CSMD1: variants seen among roughly 807,000 people sequenced by gnomAD.
The protein encoded by CSMD1 is CUB and Sushi multiple domains 1, also known as CUB and sushi domain-containing protein 1.
CSMD1 carries 213 observed loss-of-function variants against 417.5 expected under a neutral mutation model. The ratio of observed to expected loss-of-function variants is 0.51; its 90% CI spans 0.46 to 0.57. The LOEUF (loss-of-function observed/expected upper bound fraction) is 0.57. Among genes scored for constraint, CSMD1 ranks in the 20% least tolerant of loss-of-function variants. CSMD1 has a pLI of 0.00. For missense variants in CSMD1, 6,923 were observed against 4,529.7 expected (o/e 1.53, Z -15.17); for synonymous variants, 2,862 against 1,736.8 (o/e 1.65, Z -16.11).
intron 1 of CSMD1, among the ~76,000 whole-genome samples, chr8:4,794,795 GAATAGAAGCACTC>G (rs1242193813): frequency 1.3e-5 from 2 of 152,146 alleles, no homozygotes; most frequent in African/African-American, 4.8e-5. Context: ...GAAGTAGTTT[GAATAGAAGCACTC>G]AATGGTCCAA....
chr8:3,517,634 A>G (rs568367612), intron 10 of CSMD1, among the ~76,000 whole-genome samples: 1 of 152,308 alleles, frequency 6.6e-6, no homozygotes, highest in South Asian at 2.1e-4. Context: ...TTTTTTGGGG[A>G]AAAAGGCTTT....
chr8:3,990,477 C>G (rs1024249786), intron 5 of CSMD1, among the ~76,000 whole-genome samples: 1 of 152,116 alleles, frequency 6.6e-6, no homozygotes, highest in African/African-American at 2.4e-5. Flanking sequence ...TTCTTCTTCT[C>G]TGTTACTCCT....
At chr8:2,956,350 A>G (rs935750340) in intron 63 of CSMD1, among the ~76,000 whole-genome samples, 1 of 152,108 alleles carries the variant, frequency 6.6e-6, no homozygotes, top group Non-Finnish European at 1.5e-5. Flanking sequence ...TATACTCTAT[A>G]TCTCAAATCA....
chr8:3,456,198 G>C (rs1816118882), intron 12 of CSMD1, among the ~76,000 whole-genome samples: 1 of 152,086 alleles, frequency 6.6e-6, no homozygotes, highest in Non-Finnish European at 1.5e-5. Flanking sequence ...AATTTTCCAG[G>C]TGCCGTCTGT....
chr8:2,941,019 T>C (rs112074474), intron 69 of CSMD1, among the ~76,000 whole-genome samples: 32 of 152,374 alleles, frequency 2.1e-4, no homozygotes, highest in Middle Eastern at 3.4e-3. Context: ...TAGTGGCATA[T>C]CTTTCTACAT....
chr8:4,345,910 C>G (rs372691734), intron 3 of CSMD1, among the ~76,000 whole-genome samples: 1 of 152,096 alleles, frequency 6.6e-6, no homozygotes, highest in Non-Finnish European at 1.5e-5. Context: ...TCAGTCAAGA[C>G]GTAACAAGGG....
At chr8:3,003,930 C>T (rs1807649247) in intron 52 of CSMD1, among the ~76,000 whole-genome samples, 1 of 152,168 alleles carries the variant, frequency 6.6e-6, no homozygotes, top group Non-Finnish European at 1.5e-5. Context: ...CCCAGTTATA[C>T]ATTTGCTAGG....
intron 5 of CSMD1, among the ~76,000 whole-genome samples, chr8:3,919,176 G>A (rs1300263389): frequency 1.0e-5 from 1 of 96,446 alleles, no homozygotes; most frequent in Non-Finnish European, 1.9e-5. Context: ...TACTTTTCGT[G>A]TCATATCCAA....
intron 3 of CSMD1, among the ~76,000 whole-genome samples, chr8:4,138,680 T>A (rs1187548327): frequency 6.6e-6 from 1 of 152,178 alleles, no homozygotes; most frequent in African/African-American, 2.4e-5. Flanking sequence ...TTTTTCAAAG[T>A]TAAATTGTAA....
At chr8:4,218,141 T>C (rs1161714754) in intron 3 of CSMD1, among the ~76,000 whole-genome samples, 1 of 152,152 alleles carries the variant, frequency 6.6e-6, no homozygotes, top group Non-Finnish European at 1.5e-5. Flanking sequence ...TATAAGTAAC[T>C]CCTACATGCT....
intron 10 of CSMD1, among the ~76,000 whole-genome samples, chr8:3,525,798 T>G (rs1360795806): frequency 6.6e-6 from 1 of 152,194 alleles, no homozygotes; most frequent in Non-Finnish European, 1.5e-5. Context: ...GAAACTTGGT[T>G]GCTTACCACT....
chr8:4,564,968 T>G (rs971876357), intron 2 of CSMD1, among the ~76,000 whole-genome samples: 2 of 152,314 alleles, frequency 1.3e-5, no homozygotes, highest in Middle Eastern at 3.4e-3. Flanking sequence ...CAAAAGAATG[T>G]GGGTGCCTTG....
At chr8:4,192,709 C>T (rs1229409956) in intron 3 of CSMD1, among the ~76,000 whole-genome samples, 1 of 152,182 alleles carries the variant, frequency 6.6e-6, no homozygotes, top group Admixed American at 6.5e-5. Flanking sequence ...ACCAACATGT[C>T]GGGTATGAGG....
At chr8:3,399,061 A>C (rs536624702) in intron 16 of CSMD1, among the ~76,000 whole-genome samples, 1 of 152,246 alleles carries the variant, frequency 6.6e-6, no homozygotes, top group East Asian at 1.9e-4. Context: ...TGGGACCCAG[A>C]GTGGTTTCCA....
At chr8:3,726,623 G>A (rs1241158257) in intron 6 of CSMD1, among the ~76,000 whole-genome samples, 3 of 152,112 alleles carry the variant, frequency 2.0e-5, no homozygotes, top group East Asian at 1.9e-4. Context: ...ACGAGGGTAG[G>A]TACATCAATC....
At chr8:4,509,677 A>G (rs1055409049) in intron 2 of CSMD1, among the ~76,000 whole-genome samples, 2 of 152,144 alleles carry the variant, frequency 1.3e-5, no homozygotes, top group African/African-American at 4.8e-5. Flanking sequence ...AATAATAATC[A>G]CAGTCATGCT....
intron 45 of CSMD1, among the ~76,000 whole-genome samples, chr8:3,107,360 G>A (rs1287241480): frequency 1.3e-5 from 2 of 152,130 alleles, no homozygotes; most frequent in East Asian, 1.9e-4. Flanking sequence ...TTTCTCAAGT[G>A]CATGAATGTG....
At chr8:4,597,345 C>A (rs1250429107) in intron 2 of CSMD1, among the ~76,000 whole-genome samples, 1 of 152,066 alleles carries the variant, frequency 6.6e-6, no homozygotes, top group Non-Finnish European at 1.5e-5. Flanking sequence ...GGAGAGATGG[C>A]ACTCTCATTT....
intron 4 of CSMD1, among the ~76,000 whole-genome samples, chr8:4,017,851 G>C (rs923119652): frequency 2.0e-5 from 3 of 152,114 alleles, no homozygotes; most frequent in East Asian, 1.9e-4. Flanking sequence ...TGTATATCTG[G>C]TGGTGATCCA....
Sources: allele counts gnomAD v4.1 joint callset (sites outside exome capture counted in the v4.1 genomes callset), GRCh38; gene constraint gnomAD v4.1.1; transcripts MANE v1.5; gene names NCBI Gene and HGNC (gene_info 2026-07-23, HGNC 2026-07-21).